OCA2: variants seen among roughly 807,000 people sequenced by gnomAD.
OCA2 encodes OCA2 melanosomal transmembrane protein, also known as P protein.
In OCA2, 77 loss-of-function variants were observed where a neutral mutation model predicts 100.2. The observed-to-expected ratio is 0.77, with a 90% CI of 0.64 to 0.93. The LOEUF is 0.93. Ranked by LOEUF, OCA2 falls within the 40% of genes least tolerant of loss-of-function variation. The pLI is 0.00. For missense variants in OCA2, 1,062 were observed against 1,089.1 expected (o/e 0.98, Z 0.35); for synonymous variants, 432 against 439.2 (o/e 0.98, Z 0.21).
intron 17 of OCA2, among the ~76,000 whole-genome samples, chr15:27,954,391 G>A (rs2040147602): frequency 6.6e-6 from 1 of 152,142 alleles, no homozygotes; most frequent in African/African-American, 2.4e-5. Context: ...CCATCCACAT[G>A]GGACAGAGTG....
At chr15:27,749,819 T>A in the OCA2 span, among the ~76,000 whole-genome samples, 2 of 152,146 alleles carry the variant, frequency 1.3e-5, no homozygotes, top group Non-Finnish European at 2.9e-5. Context: ...AAGATGTTGA[T>A]GAAAGAAACC....
chr15:27,903,583 C>A (rs1297121977), intron 19 of OCA2, among the ~76,000 whole-genome samples: 9 of 152,174 alleles, frequency 5.9e-5, no homozygotes, highest in African/African-American at 7.2e-5. Flanking sequence ...CCGGGCTTCC[C>A]CCAGGAGCTT....
At chr15:27,999,012 A>T (rs1048244176) in intron 9 of OCA2, among the ~76,000 whole-genome samples, 1 of 151,930 alleles carries the variant, frequency 6.6e-6, no homozygotes. Context: ...GAACACATGG[A>T]CACAGGAAGG....
intron 23 of OCA2, among the ~76,000 whole-genome samples, chr15:27,796,635 G>A (rs2033351486): frequency 6.6e-6 from 1 of 152,202 alleles, no homozygotes; most frequent in African/African-American, 2.4e-5. Context: ...GTTTCCTCCA[G>A]CAGGTGTAAC....
chr15:27,945,853 C>A (rs2140538531), intron 18 of OCA2, among the ~76,000 whole-genome samples: 1 of 152,272 alleles, frequency 6.6e-6, no homozygotes, highest in African/African-American at 2.4e-5. Context: ...CATCAAGGCT[C>A]TGAATTTTAA....
At chr15:27,842,731 G>A (rs914459601) in intron 23 of OCA2, among the ~76,000 whole-genome samples, 5 of 152,218 alleles carry the variant, frequency 3.3e-5, no homozygotes, top group African/African-American at 1.2e-4. Context: ...TGGGACTAAT[G>A]AGCTTTCAAG....
At chr15:27,943,370 C>G (rs142070374) in intron 18 of OCA2, among the ~76,000 whole-genome samples, 2 of 152,072 alleles carry the variant, frequency 1.3e-5, no homozygotes, top group African/African-American at 4.8e-5. Context: ...CATCACATGA[C>G]AGACAGCAGG....
At chr15:27,997,144 GAGA>G (rs2141074818) in intron 9 of OCA2, among the ~76,000 whole-genome samples, 1 of 134,536 alleles carries the variant, frequency 7.4e-6, no homozygotes, top group Admixed American at 7.9e-5. Flanking sequence ...GGAAGGAAGA[GAGA>G]GAGAAAGAAA....
chr15:28,072,690 T>A (rs2044303213), intron 2 of OCA2, among the ~76,000 whole-genome samples: 1 of 150,452 alleles, frequency 6.6e-6, no homozygotes, highest in Non-Finnish European at 1.5e-5. Flanking sequence ...AACAAACATA[T>A]GAAAAAGCGC....
rs1422236912 is a variant in OCA2 at position 28,081,628 on chromosome 15, T to G, written c.227+20A>C. 1 of 1,603,694 alleles carries G rather than the reference T, an allele frequency of 6.2e-7. No homozygotes were observed. The highest frequency in any genetic ancestry group is 2.2e-5 in the East Asian group (1 of 44,808). ...CTGTGTGAAGTCCACATTTACAAGA[T>G]GGCACTATTTTAAACTCACCTCCCT... On this transcript the variant is annotated intron_variant, in intron 2 of 23. Coordinates refer to ENST00000354638, the MANE Select transcript of OCA2 (RefSeq NM_000275.3).
At chr15:27,863,624 C>A (rs901842977) in intron 21 of OCA2, among the ~76,000 whole-genome samples, 13 of 152,294 alleles carry the variant, frequency 8.5e-5, no homozygotes, top group African/African-American at 3.1e-4. Context: ...TGCATTCCTT[C>A]TCCCCATTCT....
At chr15:27,723,534 CAAG>C in the OCA2 span, among the ~76,000 whole-genome samples, 2 of 151,964 alleles carry the variant, frequency 1.3e-5, no homozygotes, top group Non-Finnish European at 2.9e-5. Context: ...CCACCACCAC[CAAG>C]AAGGCAGAGA....
chr15:28,096,630 G>A (rs1432199533), intron 1 of OCA2, among the ~76,000 whole-genome samples: 2 of 152,210 alleles, frequency 1.3e-5, no homozygotes, highest in Non-Finnish European at 2.9e-5. Flanking sequence ...GAGACCGCGA[G>A]TGTGACCGTA....
intron 19 of OCA2, among the ~76,000 whole-genome samples, chr15:27,910,273 A>G (rs1205009118): frequency 6.6e-6 from 1 of 152,240 alleles, no homozygotes; most frequent in African/African-American, 2.4e-5. Context: ...CAACTCTTGC[A>G]GAGGGAAATC....
intron 19 of OCA2, chr15:27,896,088 G>C: frequency 1.1e-5 from 13 of 1,170,696 alleles, no homozygotes; most frequent in Non-Finnish European, 1.6e-5. Flanking sequence ...ATACAATGTG[G>C]AAAGCATTGA....
downstream of OCA2, among the ~76,000 whole-genome samples, chr15:27,750,895 C>T (rs1410190052): frequency 6.6e-6 from 1 of 152,160 alleles, no homozygotes. Flanking sequence ...GGAGAAGCTT[C>T]AGTCATCATA....
chr15:27,784,480 G>A (rs1335682886), intron 23 of OCA2, among the ~76,000 whole-genome samples: 2 of 152,080 alleles, frequency 1.3e-5, no homozygotes, highest in African/African-American at 4.8e-5. Flanking sequence ...AAATAAGCTA[G>A]GGAAAAAGAA....
At chr15:27,764,709 CA>C (rs1164546814) in intron 23 of OCA2, among the ~76,000 whole-genome samples, 4 of 152,168 alleles carry the variant, frequency 2.6e-5, no homozygotes, top group Admixed American at 6.5e-5. Flanking sequence ...TTACTGAAAA[CA>C]CTTGCTGACC....
intron 21 of OCA2, among the ~76,000 whole-genome samples, chr15:27,862,983 G>A (rs2036191856): frequency 6.6e-6 from 1 of 152,196 alleles, no homozygotes; most frequent in Non-Finnish European, 1.5e-5. Context: ...GAAGGCACAT[G>A]GTCCTCACTG....
Sources: allele counts gnomAD v4.1 joint callset (sites outside exome capture counted in the v4.1 genomes callset), GRCh38; gene constraint gnomAD v4.1.1; transcripts MANE v1.5; gene names NCBI Gene and HGNC (gene_info 2026-07-23, HGNC 2026-07-21).